The following CCDC181 variants were observed in gnomAD, a reference collection of about 807,000 sequenced individuals.
CCDC181 encodes the protein coiled-coil domain containing 181, also known as coiled-coil domain-containing protein 181.
Under a neutral mutation model 58.7 loss-of-function variants are expected in CCDC181, and 35 were observed. That is an observed-to-expected ratio of 0.60 (90% CI 0.46 to 0.79). The LOEUF is 0.79. Ranked by LOEUF, CCDC181 falls within the 30% of genes least tolerant of loss-of-function variation. The probability of loss-of-function intolerance (pLI) is 0.00; values close to 1 mark genes in which losing one functional copy is unlikely to be tolerated. For missense variants in CCDC181, 517 were observed against 583.9 expected, an observed-to-expected ratio of 0.89 and a Z score of 1.18; for synonymous variants, 183 against 197.5, an observed-to-expected ratio of 0.93 and a Z score of 0.62.
intron 4 of CCDC181, among the ~76,000 whole-genome samples, chr1:169,403,665 G>T (rs555902364): frequency 5.9e-5 from 9 of 152,322 alleles, no homozygotes; most frequent in African/African-American, 2.2e-4. Context: ...AAAGCAGTGT[G>T]TAGAGTGAAA....
upstream of CCDC181, among the ~76,000 whole-genome samples, chr1:169,429,378 A>G (rs1188241218): frequency 6.6e-6 from 1 of 152,178 alleles, no homozygotes; most frequent in Non-Finnish European, 1.5e-5. Flanking sequence ...GAATCTCCAC[A>G]CTGTTTTCCA....
intron 4 of CCDC181, chr1:169,418,698 C>G (rs187478369): frequency 8.0e-5 from 29 of 361,106 alleles, no homozygotes; most frequent in African/African-American, 6.1e-4. Flanking sequence ...AGACCAGTCT[C>G]TAGGGTTTTG....
rs767245316 is a variant in CCDC181 at position 169,397,381 on chromosome 1, C to CT, written c.1225dup (p.Arg409LysfsTer12). 1 of 1,601,668 alleles carries CT rather than the reference C, an allele frequency of 6.2e-7. No homozygotes were observed. Among genetic ancestry groups the CT allele is most frequent in the African/African-American group, 1.3e-5 (1 of 74,262 alleles). On this transcript the variant is annotated frameshift_variant, in exon 5 of 6. Coordinates refer to ENST00000367806, the MANE Select transcript of CCDC181 (RefSeq NM_001300969.2). LOFTEE classifies it high-confidence loss of function. The stretch of plus-strand genomic sequence containing the variant: ...TAATCGAAAAGCTTGTTGTGGATCT[C>CT]TGTTTTCCTGCTGATTAGAAAAACA...
Position 169,394,969 on chromosome 1 carries a change from A to G in CCDC181, c.*78T>C. 1 of 1,281,474 alleles carries G rather than the reference A, an allele frequency of 7.8e-7. No individual in the cohort carries two copies. Among genetic ancestry groups the G allele is most frequent in the Non-Finnish European group, 1.1e-6 (1 of 944,110 alleles). The allele number at this position is 1,281,474 out of a possible 1,614,324, so 79.4% of individuals were successfully genotyped here. ...TACCATTTCCATAATTTAGAATACA[A>G]CCAAAGTACACAGACCCTAAGAAAT... On this transcript the variant is annotated 3_prime_UTR_variant, in exon 6 of 6. Transcript: ENST00000367806.
chr1:169,397,980 A>G (rs532622568), intron 4 of CCDC181, among the ~76,000 whole-genome samples: 5 of 152,130 alleles, frequency 3.3e-5, no homozygotes, highest in Non-Finnish European at 7.4e-5. Context: ...TGTTGCCTAT[A>G]TCTTGCATTT....
chr1:169,432,046 A>T (rs1385236223), upstream of CCDC181, among the ~76,000 whole-genome samples: 1 of 152,242 alleles, frequency 6.6e-6, no homozygotes, highest in African/African-American at 2.4e-5. Context: ...TCAGAAAAAT[A>T]CCTGAGAAGA....
At chr1:169,451,817 A>T (rs1657549589) in intron 2 of CCDC181, among the ~76,000 whole-genome samples, 1 of 152,086 alleles carries the variant, frequency 6.6e-6, no homozygotes, top group East Asian at 1.9e-4. Flanking sequence ...GTGAAAGGAC[A>T]GAGGAGTCAA....
intron 2 of CCDC181, chr1:169,443,275 T>C (rs1657285383): frequency 6.6e-6 from 1 of 152,110 alleles, no homozygotes; most frequent in Non-Finnish European, 1.5e-5. Flanking sequence ...AGTAGATTTT[T>C]ACAGCCTTAT....
upstream of CCDC181, among the ~76,000 whole-genome samples, chr1:169,428,795 A>G (rs1656818746): frequency 6.6e-6 from 1 of 152,166 alleles, no homozygotes; most frequent in East Asian, 1.9e-4. Flanking sequence ...AGCTGAAACT[A>G]CAGGCACGCC....
Position 169,421,676 on chromosome 1 carries a change from G to A in CCDC181, c.755C>T (p.Pro252Leu). ...GGAAGATCTGGGTAACAACTGCTGA[G>A]GGTCATTTTCTGTACTATTTGCATT... ...INNANSTENDPQQLLPRSSNS... is the reference protein window; with the variant it reads ...INNANSTENDLQQLLPRSSNS... Residue 252 changes from proline (P) to leucine (L), a missense_variant, in exon 3 of 6, where the codon CCT becomes CTT. Coordinates refer to ENST00000367806, the MANE Select transcript of CCDC181 (RefSeq NM_001300969.2). 1 of 1,614,044 alleles carries A rather than the reference G, an allele frequency of 6.2e-7. No individual in the cohort carries two copies. The highest frequency in any genetic ancestry group is 1.7e-5 in the Admixed American group (1 of 60,006).
At chr1:169,399,583 AT>A (rs1387636264) in intron 4 of CCDC181, among the ~76,000 whole-genome samples, 1 of 152,176 alleles carries the variant, frequency 6.6e-6, no homozygotes, top group African/African-American at 2.4e-5. Flanking sequence ...TTAGAGGAAA[AT>A]AAAAAATTCT....
chr1:169,404,791 T>A (rs1338541316), intron 4 of CCDC181, among the ~76,000 whole-genome samples: 3 of 152,176 alleles, frequency 2.0e-5, no homozygotes, highest in Non-Finnish European at 4.4e-5. Flanking sequence ...TTCAACATAG[T>A]GTTGGAAGTT....
Position 169,422,243 on chromosome 1 carries a change from T to C in CCDC181, c.188A>G (p.Lys63Arg). Residue 63 changes from lysine to arginine, a missense_variant, in exon 3 of 6, where the codon AAA (lysine) becomes AGA (arginine). By Grantham distance (26) the Lys-to-Arg change is conservative. Coordinates refer to ENST00000367806, the MANE Select transcript of CCDC181 (RefSeq NM_001300969.2). ...KENETVMEHT[K>R]RHSDPDKSLQ... ...AGATTTGTCAGGATCAGAATGCCGT[T>C]TGGTGTGCTCCATTACTGTCTCATT... 1 of 1,612,662 alleles carries C rather than the reference T, an allele frequency of 6.2e-7. No individual in the cohort carries two copies. Among genetic ancestry groups the C allele is most frequent in the South Asian group, 1.1e-5 (1 of 91,024 alleles).
At chr1:169,456,727 A>G (rs1458797015) in intron 2 of CCDC181, among the ~76,000 whole-genome samples, 1 of 152,192 alleles carries the variant, frequency 6.6e-6, no homozygotes, top group Non-Finnish European at 1.5e-5. Context: ...GAAGGCTTTC[A>G]CCACATGCAG....
chr1:169,417,874 G>A (rs1656282976), intron 4 of CCDC181, among the ~76,000 whole-genome samples: 1 of 152,130 alleles, frequency 6.6e-6, no homozygotes, highest in Non-Finnish European at 1.5e-5. Context: ...TTTAGGAGCT[G>A]TGTGCCAAAA....
At chr1:169,406,973 C>T (rs1021619091) in intron 4 of CCDC181, among the ~76,000 whole-genome samples, 15 of 147,354 alleles carry the variant, frequency 1.0e-4, no homozygotes, top group Admixed American at 3.4e-4. Flanking sequence ...AGTAAACAGA[C>T]GTTTAGTAAC....
chr1:169,401,865 G>A lies in CCDC181; in HGVS notation c.1216-4474C>T, dbSNP rs183695380. Among the ~76,000 whole-genome samples the A allele has an allele frequency of 7.0e-3, 1,061 of 152,262 alleles. 18 individuals carry two copies. Among genetic ancestry groups the A allele is most frequent in the African/African-American group, 0.025 (1,021 of 41,514 alleles). ...TAATAACAAACTTCTCCGAGCTAAA[G>A]AAGGATGTTTGAACCCATCGCAAAG... On this transcript the variant is annotated intron_variant, in intron 4 of 5. Transcript: ENST00000367806.
At chr1:169,430,248 T>G (rs1182719545), upstream of CCDC181, among the ~76,000 whole-genome samples, 19 of 152,234 alleles carry the variant, frequency 1.2e-4, no homozygotes, top group Admixed American at 1.2e-3. Context: ...TTGTTCTTCT[T>G]GCTTAGTTTT....
At chr1:169,397,519 C>T (rs913612354) in intron 4 of CCDC181, 128 bp from the exon 5 acceptor site, 3 of 729,872 alleles carry the variant, frequency 4.1e-6, no homozygotes, top group Middle Eastern at 4.1e-4. Context: ...AGCCTCATTA[C>T]CTGCATTCCT....
Sources: allele counts gnomAD v4.1 joint callset (sites outside exome capture counted in the v4.1 genomes callset), GRCh38; gene constraint gnomAD v4.1.1; transcripts MANE v1.5; gene names NCBI Gene and HGNC (gene_info 2026-07-23, HGNC 2026-07-21).